The following HS6ST3 variants were observed in gnomAD, a reference collection of about 807,000 sequenced individuals.
HS6ST3 encodes heparan-sulfate 6-O-sulfotransferase 3.
HS6ST3 carries 12 observed loss-of-function variants against 36.7 expected under a neutral mutation model. That is an observed-to-expected ratio of 0.33 (90% CI 0.21 to 0.53). HS6ST3 has a LOEUF of 0.53. Ranked by LOEUF, HS6ST3 falls within the 20% of genes least tolerant of loss-of-function variation. The pLI, the probability that HS6ST3 is intolerant of heterozygous loss-of-function variation, is 0.95. For synonymous variants in HS6ST3, 240 were observed against 257.5 expected, an observed-to-expected ratio of 0.93 and a Z score of 0.65; for missense variants, 584 against 640.9, an observed-to-expected ratio of 0.91 and a Z score of 0.96.
Position 96,834,885 on chromosome 13 carries a change from CTG to C in HS6ST3, c.*1690_*1691del, listed in dbSNP as rs1359621067. Reference sequence around the variant, plus strand: ...TAGAGATCTGGAGATGCTTCTCTCACTGTGCTTGGCTTCATCTGGGGTGCAAG... The same window carrying C: ...TAGAGATCTGGAGATGCTTCTCTCACTGCTTGGCTTCATCTGGGGTGCAAG... On this transcript the variant is annotated 3_prime_UTR_variant, in exon 2 of 2. Transcript: ENST00000376705. The C allele has an allele frequency of 6.6e-6, 1 of 152,632 alleles. No homozygotes were observed. Among genetic ancestry groups the C allele is most frequent in the Non-Finnish European group, 1.5e-5 (1 of 68,050 alleles). The allele number at this position is 152,632 out of a possible 1,614,324, so 9.5% of individuals were successfully genotyped here. A position where few individuals can be genotyped will look rare whatever the true frequency, so the allele number is the denominator to read the frequency against.
At chr13:96,771,524 A>G (rs970953719) in intron 1 of HS6ST3, among the ~76,000 whole-genome samples, 3 of 152,206 alleles carry the variant, frequency 2.0e-5, no homozygotes, top group African/African-American at 7.2e-5. Flanking sequence ...AAATAAGCCG[A>G]CCGAAAATGG....
chr13:96,260,315 C>CT (rs547697796), intron 1 of HS6ST3, among the ~76,000 whole-genome samples: 61 of 68,070 alleles, frequency 9.0e-4, no homozygotes, highest in African/African-American at 3.1e-3. Context: ...CTTTTCTTTT[C>CT]TTTTTTCTTT....
chr13:96,646,040 T>C (rs2056587423), intron 1 of HS6ST3, among the ~76,000 whole-genome samples: 1 of 151,748 alleles, frequency 6.6e-6, no homozygotes, highest in South Asian at 2.1e-4. Context: ...GACAATTTCC[T>C]AACAGATAAA....
At chr13:96,456,128 G>A (rs2055753553) in intron 1 of HS6ST3, among the ~76,000 whole-genome samples, 1 of 152,130 alleles carries the variant, frequency 6.6e-6, no homozygotes, top group African/African-American at 2.4e-5. Flanking sequence ...AAGGACAAAC[G>A]TATTTCTTTG....
chr13:96,360,948 A>ACC (rs1566337537), intron 1 of HS6ST3, among the ~76,000 whole-genome samples: 21 of 151,062 alleles, frequency 1.4e-4, no homozygotes, highest in Admixed American at 5.3e-4. Flanking sequence ...CCTGTCCCAA[A>ACC]AAAAAAAAAA....
At chr13:96,298,602 A>G (rs1226605364) in intron 1 of HS6ST3, among the ~76,000 whole-genome samples, 1 of 152,218 alleles carries the variant, frequency 6.6e-6, no homozygotes, top group African/African-American at 2.4e-5. Flanking sequence ...AGACATCTCT[A>G]ATAGTCTGCT....
At chr13:96,382,258 T>G (rs1298536492) in intron 1 of HS6ST3, among the ~76,000 whole-genome samples, 1 of 152,218 alleles carries the variant, frequency 6.6e-6, no homozygotes, top group East Asian at 1.9e-4. Flanking sequence ...ATATTGAACC[T>G]TCGTTTCAGG....
At chr13:96,454,374 A>C (rs2139487385) in intron 1 of HS6ST3, among the ~76,000 whole-genome samples, 1 of 152,256 alleles carries the variant, frequency 6.6e-6, no homozygotes, top group African/African-American at 2.4e-5. Context: ...GATTTTGGGG[A>C]TAATTTAATG....
At chr13:96,291,111 A>C (rs2139398832) in intron 1 of HS6ST3, among the ~76,000 whole-genome samples, 1 of 152,064 alleles carries the variant, frequency 6.6e-6, no homozygotes, top group Non-Finnish European at 1.5e-5. Context: ...TTTTTCTTTT[A>C]TTTTAGCATT....
intron 1 of HS6ST3, among the ~76,000 whole-genome samples, chr13:96,417,034 G>A (rs2055537129): frequency 6.6e-6 from 1 of 152,204 alleles, no homozygotes; most frequent in Middle Eastern, 3.2e-3. Flanking sequence ...ACAGGCGTGA[G>A]CCACCGCGCC....
intron 1 of HS6ST3, among the ~76,000 whole-genome samples, chr13:96,580,677 G>A (rs2056338769): frequency 6.6e-6 from 1 of 151,928 alleles, no homozygotes; most frequent in African/African-American, 2.4e-5. Flanking sequence ...CTTTTTTAAG[G>A]TGCATGACGA....
intron 1 of HS6ST3, among the ~76,000 whole-genome samples, chr13:96,555,989 C>T (rs2056239098): frequency 6.6e-6 from 1 of 152,140 alleles, no homozygotes; most frequent in Non-Finnish European, 1.5e-5. Context: ...CCCAGAATCT[C>T]AACCACCTTA....
intron 1 of HS6ST3, among the ~76,000 whole-genome samples, chr13:96,241,250 CAA>C (rs1457085104): frequency 2.0e-5 from 3 of 151,440 alleles, no homozygotes; most frequent in Admixed American, 6.6e-5. Context: ...TCGTATAACT[CAA>C]GAGTTTAAAG....
chr13:96,763,490 C>CA (rs1432254424), intron 1 of HS6ST3, among the ~76,000 whole-genome samples: 4 of 149,350 alleles, frequency 2.7e-5, no homozygotes, highest in South Asian at 4.2e-4. Flanking sequence ...GACTCTGTCT[C>CA]AAAAAAAATT....
chr13:96,824,407 C>G (rs187090996), intron 1 of HS6ST3, among the ~76,000 whole-genome samples: 1 of 152,366 alleles, frequency 6.6e-6, no homozygotes, highest in Non-Finnish European at 1.5e-5. Context: ...CTTCGCAATT[C>G]TAGTCTCCAA....
At position 96,614,020 on chromosome 13, in the gene HS6ST3, C is replaced by T. The variant is rs535656614; in HGVS notation, c.708-218470C>T. ...ACAGGTACAAAAGTTATTACTGGGC[C>T]GGGCGCGGTGGCTCACCCCTGTAAT... On this transcript the variant is annotated intron_variant, in intron 1 of 1. Coordinates refer to ENST00000376705, the MANE Select transcript of HS6ST3 (RefSeq NM_153456.4). Among the ~76,000 whole-genome samples, 43 of 152,094 alleles carry T rather than the reference C, an allele frequency of 2.8e-4. No individual in the cohort carries two copies. In the South Asian group the frequency reaches 7.3e-3, roughly 26 times the overall value.
intron 1 of HS6ST3, among the ~76,000 whole-genome samples, chr13:96,533,282 A>T (rs2056142792): frequency 6.6e-6 from 1 of 152,154 alleles, no homozygotes; most frequent in Admixed American, 6.5e-5. Context: ...AAAACCCCTG[A>T]TGTTGTCAAG....
chr13:96,359,335 A>C (rs1432028990), intron 1 of HS6ST3, among the ~76,000 whole-genome samples: 1 of 152,192 alleles, frequency 6.6e-6, no homozygotes, highest in African/African-American at 2.4e-5. Flanking sequence ...TGACTGTCAG[A>C]GTATTGAACA....
intron 1 of HS6ST3, among the ~76,000 whole-genome samples, chr13:96,540,139 AT>A (rs2056172286): frequency 6.6e-6 from 1 of 152,112 alleles, no homozygotes; most frequent in Admixed American, 6.5e-5. Context: ...AAAGTTTTGA[AT>A]TTTTCCTGGA....
Sources: allele counts gnomAD v4.1 joint callset (sites outside exome capture counted in the v4.1 genomes callset), GRCh38; gene constraint gnomAD v4.1.1; transcripts MANE v1.5; gene names NCBI Gene and HGNC (gene_info 2026-07-23, HGNC 2026-07-21).